The following BRCA2 variants were observed in gnomAD, a reference collection of about 807,000 sequenced individuals.
BRCA2 encodes the protein BRCA2 DNA repair associated.
A neutral mutation model predicts 276.7 loss-of-function variants in BRCA2; 203 were observed. The observed-to-expected ratio is 0.73, with a 90% CI of 0.65 to 0.82. The LOEUF is 0.82. Among genes scored for constraint, BRCA2 ranks in the 40% least tolerant of loss-of-function variants. The pLI is 0.00. For missense variants in BRCA2, 3,920 were observed against 3,915.0 expected, an observed-to-expected ratio of 1.00 and a Z score of -0.03; for synonymous variants, 1,289 against 1,338.4, an observed-to-expected ratio of 0.96 and a Z score of 0.81.
At chr13:32,342,458 A>G (rs752566512) in intron 11 of BRCA2, among the ~76,000 whole-genome samples, 5 of 152,140 alleles carry the variant, frequency 3.3e-5, no homozygotes, top group Non-Finnish European at 5.9e-5. Context: ...TCCCTTTTAA[A>G]TGTATATATA....
chr13:32,344,181 AAAG>A lies in BRCA2; in HGVS notation c.6842-375_6842-373del. On this transcript the variant is annotated intron_variant, in intron 11 of 26. Transcript: ENST00000380152. Reference sequence around the variant, plus strand: ...CCCCCGTGCTGAAAAAAAAAAAAAAAAAGAGAGAAAAAGTTTATTTGAAGAAAT... The same window carrying A: ...CCCCCGTGCTGAAAAAAAAAAAAAAAAGAGAAAAAGTTTATTTGAAGAAAT... Among the ~76,000 whole-genome samples, 3 of 151,810 alleles carry A rather than the reference AAAG, an allele frequency of 2.0e-5. No individual in the cohort carries two copies. The East Asian group carries it at 5.8e-4, about 29-fold the overall frequency.
At chr13:32,344,058 C>T (rs1288163283) in intron 11 of BRCA2, among the ~76,000 whole-genome samples, 1 of 150,772 alleles carries the variant, frequency 6.6e-6, no homozygotes, top group African/African-American at 2.4e-5. Context: ...AGAATTGTTT[C>T]TATTACTAGT....
At position 32,376,634 on chromosome 13, in the gene BRCA2, C is replaced by G. The variant is rs61457252; in HGVS notation, c.8633-36C>G. 39 of 1,607,940 alleles carry G rather than the reference C, an allele frequency of 2.4e-5. No homozygotes were observed. The African/African-American group carries it at 4.8e-4, about 20-fold the overall frequency. ...TTAGTTTTAGTTGCTTTTGAATTTACAGTTTAGTGAATTAATAATCCTTTT... is the reference window on the plus strand; with the variant it reads ...TTAGTTTTAGTTGCTTTTGAATTTAGAGTTTAGTGAATTAATAATCCTTTT... On this transcript the variant is annotated intron_variant, in intron 20 of 26. Transcript: ENST00000380152.
chr13:32,334,710 G>A (rs2072435140), intron 10 of BRCA2, among the ~76,000 whole-genome samples: 1 of 151,700 alleles, frequency 6.6e-6, no homozygotes, highest in Admixed American at 6.6e-5. Flanking sequence ...TTAAATAGAG[G>A]AAATACTAGC....
Position 32,398,939 on chromosome 13 carries a change from T to A in BRCA2, c.*169T>A, listed in dbSNP as rs1432723702. ...TCGGGCAAAAATCGTTTTGCCCGATTCCGTATTGGTATACTTTTGCTTCAG... is the reference window on the plus strand; with the variant it reads ...TCGGGCAAAAATCGTTTTGCCCGATACCGTATTGGTATACTTTTGCTTCAG... On this transcript the variant is annotated 3_prime_UTR_variant, in exon 27 of 27. Coordinates refer to ENST00000380152, the MANE Select transcript of BRCA2 (RefSeq NM_000059.4). 1.3e-6 allele frequency: 1 copy of A among 766,838 alleles called. No individual in the cohort carries two copies. Among genetic ancestry groups the A allele is most frequent in the South Asian group, 2.0e-5 (1 of 49,908 alleles). The allele number at this position is 766,838 out of a possible 1,614,324, so 47.5% of individuals were successfully genotyped here. A position where few individuals can be genotyped will look rare whatever the true frequency, so the allele number is the denominator to read the frequency against.
chr13:32,398,962 C>A lies in BRCA2; in HGVS notation c.*192C>A. 1.6e-6 allele frequency: 1 copy of A among 629,684 alleles called. No homozygotes were observed. The highest frequency in any genetic ancestry group is 2.6e-6 in the Non-Finnish European group (1 of 385,222). 39.0% of individuals were successfully genotyped at this position (629,684 alleles called of 1,614,324 possible). A position where few individuals can be genotyped will look rare whatever the true frequency, so the allele number is the denominator to read the frequency against. ...ATTCCGTATTGGTATACTTTTGCTTCAGTTGCATATCTTAAAACTAAATGT... is the reference window on the plus strand; with the variant it reads ...ATTCCGTATTGGTATACTTTTGCTTAAGTTGCATATCTTAAAACTAAATGT... On this transcript the variant is annotated 3_prime_UTR_variant, in exon 27 of 27. Coordinates refer to ENST00000380152, the MANE Select transcript of BRCA2 (RefSeq NM_000059.4).
At chr13:32,334,888 T>C (rs369603127) in intron 10 of BRCA2, among the ~76,000 whole-genome samples, 63 of 152,342 alleles carry the variant, frequency 4.1e-4, no homozygotes, top group African/African-American at 1.4e-3. Flanking sequence ...AACTAAACTG[T>C]ATGTTTACAA....
chr13:32,340,066 TTCATAACTC>T lies in BRCA2; in HGVS notation c.5714_5722del (p.His1905_Ser1907del). 1 of 1,613,818 alleles carries T rather than the reference TTCATAACTC, an allele frequency of 6.2e-7. No homozygotes were observed. Among genetic ancestry groups the T allele is most frequent in the Non-Finnish European group, 8.5e-7 (1 of 1,179,818 alleles). Reference sequence around the variant, plus strand: ...GCATTGGATGATTCAGAGGATATTCTTCATAACTCTCTAGATAATGATGAATGTAGCACG... The same window carrying T: ...GCATTGGATGATTCAGAGGATATTCTTCTAGATAATGATGAATGTAGCACG... On this transcript the variant is annotated inframe_deletion, in exon 11 of 27. Coordinates refer to ENST00000380152, the MANE Select transcript of BRCA2 (RefSeq NM_000059.4).
At chr13:32,327,468 G>A (rs1490198809) in intron 7 of BRCA2, among the ~76,000 whole-genome samples, 4 of 151,816 alleles carry the variant, frequency 2.6e-5, no homozygotes, top group Admixed American at 2.0e-4. Context: ...TCAGGAGATC[G>A]AGACCATCCT....
intron 21 of BRCA2, among the ~76,000 whole-genome samples, chr13:32,378,869 G>C (rs771427707): frequency 3.3e-4 from 50 of 152,062 alleles, no homozygotes; most frequent in Non-Finnish European, 5.6e-4. Flanking sequence ...TAAGAATGAG[G>C]GTTCTAGGGC....
rs80359071 is a variant in BRCA2, at chr13:32,363,445, G to A, written c.8243G>A (p.Gly2748Asp). 3.1e-6 allele frequency: 5 copies of A among 1,614,190 alleles called. No homozygotes were observed. The highest frequency in any genetic ancestry group is 4.2e-6 in the Non-Finnish European group (5 of 1,180,030). ...TTAAAGAATGGCAGACTGACAGTTGGTCAGAAGATTATTCTTCATGGAGCA... is the reference window on the plus strand; with the variant it reads ...TTAAAGAATGGCAGACTGACAGTTGATCAGAAGATTATTCTTCATGGAGCA... The part of the protein sequence containing the change: ...AVLKNGRLTV[G>D]QKIILHGAEL... The change falls in exon 18 of 27, where the codon GGT becomes GAT. Residue 2748 changes from glycine to aspartate, a missense_variant. Physicochemically the swap from Gly to Asp is moderately conservative, Grantham distance 94. Coordinates refer to ENST00000380152, the MANE Select transcript of BRCA2 (RefSeq NM_000059.4).
chr13:32,376,774 G>C lies in BRCA2; in HGVS notation c.8737G>C (p.Asp2913His), dbSNP rs144322424. Residue 2913 changes from aspartate to histidine, a missense_variant, in exon 21 of 27, where the codon GAC (aspartate) becomes CAC (histidine). By Grantham distance (81) the Asp-to-His change is moderately conservative (BLOSUM62 -1). Coordinates refer to ENST00000380152, the MANE Select transcript of BRCA2 (RefSeq NM_000059.4). Reference sequence around the variant, plus strand: ...TTATGAAGCAGTGAAGAATGCAGCAGACCCAGCTTACCTTGAGGTGAGAGA... The same window carrying C: ...TTATGAAGCAGTGAAGAATGCAGCACACCCAGCTTACCTTGAGGTGAGAGA... ...ELYEAVKNAA[D>H]PAYLEGYFSE... 3.1e-6 allele frequency: 5 copies of C among 1,614,018 alleles called. 1 individual carries two copies. The African/African-American group carries it at 4.0e-5, about 13-fold the overall frequency.
In BRCA2 at chr13:32,355,031, T is replaced by C. The variant is rs431825351; in HGVS notation, c.7178T>C (p.Met2393Thr). The C allele has an allele frequency of 1.9e-6, 3 of 1,613,984 alleles. No homozygotes were observed. Among genetic ancestry groups the C allele is most frequent in the Non-Finnish European group, 2.5e-6 (3 of 1,179,944 alleles). ...YQVSATRNEK[M>T]RHLITTGRPT... Reference sequence around the variant, plus strand: ...GTTTCTGCTACAAGAAATGAAAAAATGAGACACTTGATTACTACAGGCAGA... The same window carrying C: ...GTTTCTGCTACAAGAAATGAAAAAACGAGACACTTGATTACTACAGGCAGA... Residue 2393 changes from methionine to threonine, a missense_variant, in exon 14 of 27, where the codon ATG (methionine) becomes ACG (threonine). Around this residue, in one of 2 missense-constraint regions of BRCA2, gnomAD observed 3,263 missense variants for 3,156.9 expected, o/e 1.03. Transcript: ENST00000380152.
rs542653112 is a variant in BRCA2, at chr13:32,395,763, T to C, written c.9501+830T>C. 1.3e-3 allele frequency among the ~76,000 whole-genome samples: 205 copies of C among 152,156 alleles called. 1 individual carries two copies. In the Middle Eastern group the frequency reaches 0.017, roughly 13 times the overall value. On this transcript the variant is annotated intron_variant, in intron 25 of 26. Coordinates refer to ENST00000380152, the MANE Select transcript of BRCA2 (RefSeq NM_000059.4). ...AAATGTGTGTTATTCAGAATTTATA[T>C]AAAAATATATTTTAAAAGCATTAGA...
intron 24 of BRCA2, chr13:32,385,084 G>T (rs766873688): frequency 3.6e-6 from 1 of 277,246 alleles, no homozygotes; most frequent in Non-Finnish European, 7.5e-6. Context: ...TCCAGAGATG[G>T]ACTGTGAGGA....
intron 13 of BRCA2, among the ~76,000 whole-genome samples, chr13:32,352,080 C>T (rs531483062): frequency 5.9e-4 from 90 of 152,260 alleles, no homozygotes; most frequent in African/African-American, 1.6e-3. Context: ...GGATTACAGA[C>T]GTGAGCCACT....
In BRCA2 at chr13:32,340,480, A is replaced by C. The variant is rs80358852; in HGVS notation, c.6125A>C (p.Gln2042Pro). ...CGTACTCCAGAACATTTAATATCCCAAAAAGGCTTTTCATATAATGTGGTA... is the reference window on the plus strand; with the variant it reads ...CGTACTCCAGAACATTTAATATCCCCAAAAGGCTTTTCATATAATGTGGTA... ...AIRTPEHLIS[Q>P]KGFSYNVVNS... Residue 2042 changes from glutamine to proline, a missense_variant, in exon 11 of 27, where the codon CAA becomes CCA. Gln to Pro is a moderately conservative substitution (Grantham distance 76). This residue lies in a region of BRCA2 where 3,263 missense variants were observed against 3,156.9 expected (regional missense o/e 1.03). Transcript: ENST00000380152. The C allele has an allele frequency of 3.1e-6, 5 of 1,613,516 alleles. No individual in the cohort carries two copies. The African/African-American group carries it at 6.7e-5, about 22-fold the overall frequency.
intron 20 of BRCA2, among the ~76,000 whole-genome samples, chr13:32,374,215 A>C (rs1241673583): frequency 6.6e-6 from 1 of 152,248 alleles, no homozygotes; most frequent in Non-Finnish European, 1.5e-5. Context: ...CTGTGATAGA[A>C]GGGTCTACTG....
intron 25 of BRCA2, 120 bp downstream of exon 25, chr13:32,395,053 A>C: frequency 7.2e-7 from 1 of 1,390,730 alleles, no homozygotes; most frequent in Non-Finnish European, 9.9e-7. Flanking sequence ...GGTAAAGTTT[A>C]ATCATATATT....
Sources: allele counts gnomAD v4.1 joint callset (sites outside exome capture counted in the v4.1 genomes callset), GRCh38; gene constraint gnomAD v4.1.1; regional missense constraint gnomAD v4.1.1; transcripts MANE v1.5; gene names NCBI Gene and HGNC (gene_info 2026-07-23, HGNC 2026-07-21).